Variants in TRPM3 observed in about 807,000 individuals in gnomAD.
TRPM3 encodes long transient receptor potential channel 3.
A neutral mutation model predicts 181.2 loss-of-function variants in TRPM3; 77 were observed. The observed-to-expected ratio is 0.42, with a 90% CI of 0.35 to 0.51. The LOEUF (loss-of-function observed/expected upper bound fraction) is 0.51. Ranked by LOEUF, TRPM3 falls within the 20% of genes least tolerant of loss-of-function variation. TRPM3 has a pLI of 0.01. For synonymous variants in TRPM3, 745 were observed against 796.4 expected, an observed-to-expected ratio of 0.94 and a Z score of 1.09; for missense variants, 1,759 against 2,196.7, an observed-to-expected ratio of 0.80 and a Z score of 3.98.
At chr9:71,268,116 C>G (rs1588205407) in intron 1 of TRPM3, among the ~76,000 whole-genome samples, 2 of 152,298 alleles carry the variant, frequency 1.3e-5, no homozygotes, top group South Asian at 2.1e-4. Context: ...TGTGGTGGCT[C>G]AAGCCTGTAA....
intron 1 of TRPM3, among the ~76,000 whole-genome samples, chr9:71,353,390 G>A (rs750389136): frequency 6.6e-6 from 1 of 152,112 alleles, no homozygotes; most frequent in East Asian, 1.9e-4. Context: ...GAGTAAATGG[G>A]TGAATGCATA....
At chr9:70,835,682 G>A (rs2094272361) in intron 5 of TRPM3, among the ~76,000 whole-genome samples, 1 of 151,990 alleles carries the variant, frequency 6.6e-6, no homozygotes, top group South Asian at 2.1e-4. Context: ...GTGTCTCACT[G>A]TCTCCATATG....
At chr9:71,112,522 A>C (rs2071347432) in intron 1 of TRPM3, among the ~76,000 whole-genome samples, 1 of 152,136 alleles carries the variant, frequency 6.6e-6, no homozygotes, top group Non-Finnish European at 1.5e-5. Flanking sequence ...AATTACCAAG[A>C]CCCTATAATA....
At chr9:70,958,538 T>C (rs2097103152) in intron 1 of TRPM3, among the ~76,000 whole-genome samples, 1 of 152,114 alleles carries the variant, frequency 6.6e-6, no homozygotes, top group African/African-American at 2.4e-5. Context: ...CCAGTGATGA[T>C]GAGCATTTTT....
At chr9:70,622,203 C>T (rs1360438157) in intron 14 of TRPM3, among the ~76,000 whole-genome samples, 2 of 152,186 alleles carry the variant, frequency 1.3e-5, no homozygotes, top group African/African-American at 2.4e-5. Context: ...TCTCACCAGA[C>T]ACTAAATCTG....
At chr9:70,558,170 C>G (rs2048199575) in intron 22 of TRPM3, among the ~76,000 whole-genome samples, 1 of 152,044 alleles carries the variant, frequency 6.6e-6, no homozygotes, top group African/African-American at 2.4e-5. Flanking sequence ...GTAAGGCTAC[C>G]AAGTAGAGAA....
At chr9:70,923,803 ACTCTCTCT>A (rs769200720) in intron 1 of TRPM3, among the ~76,000 whole-genome samples, 36 of 143,488 alleles carry the variant, frequency 2.5e-4, no homozygotes, top group Non-Finnish European at 5.2e-4. Flanking sequence ...ACACACACAC[ACTCTCTCT>A]CTCTCTCTCT....
intron 21 of TRPM3, among the ~76,000 whole-genome samples, chr9:70,592,861 C>T (rs1028988913): frequency 1.3e-5 from 2 of 152,136 alleles, no homozygotes; most frequent in African/African-American, 2.4e-5. Flanking sequence ...TCCTGAGTAG[C>T]TGGGATTTCA....
intron 12 of TRPM3, among the ~76,000 whole-genome samples, chr9:70,631,537 A>C (rs2065865791): frequency 6.6e-6 from 1 of 152,138 alleles, no homozygotes; most frequent in Non-Finnish European, 1.5e-5. Context: ...GAAAGGAAAA[A>C]ACTACTTTAA....
At chr9:70,632,424 G>T (rs186186520) in intron 12 of TRPM3, among the ~76,000 whole-genome samples, 101 of 152,212 alleles carry the variant, frequency 6.6e-4, no homozygotes, top group Non-Finnish European at 1.2e-3. Context: ...GACTACCATT[G>T]TTCATCTTTC....
In TRPM3 at chr9:70,956,198, T is replaced by C. The variant is rs551189696; in HGVS notation, c.178-91687A>G. On this transcript the variant is annotated intron_variant, in intron 1 of 25. Transcript: ENST00000677713. ...CGTAACAGACCACAGGCTATACTTA[T>C]ATGAATAAATGGAGAGCTTGGACAG... Among the ~76,000 whole-genome samples the C allele has an allele frequency of 4.6e-5, 7 of 152,056 alleles. No homozygotes were observed. The South Asian group carries it at 6.2e-4, about 14-fold the overall frequency.
chr9:71,386,987 T>C (rs533515547), intron 1 of TRPM3, among the ~76,000 whole-genome samples: 1 of 152,146 alleles, frequency 6.6e-6, no homozygotes, highest in Non-Finnish European at 1.5e-5. Context: ...TTGGAAATGA[T>C]TTTCTCAGAG....
chr9:71,194,327 A>G (rs556242354), intron 1 of TRPM3, among the ~76,000 whole-genome samples: 1 of 152,118 alleles, frequency 6.6e-6, no homozygotes, highest in Non-Finnish European at 1.5e-5. Flanking sequence ...TATGTGTTTC[A>G]TAAACCCTGT....
At chr9:70,581,387 T>C (rs2055611146) in intron 22 of TRPM3, among the ~76,000 whole-genome samples, 1 of 152,254 alleles carries the variant, frequency 6.6e-6, no homozygotes, top group Non-Finnish European at 1.5e-5. Flanking sequence ...TTGACAGACG[T>C]GGTCTGATAT....
intron 1 of TRPM3, among the ~76,000 whole-genome samples, chr9:71,024,414 AAGG>A (rs2097874470): frequency 6.6e-6 from 1 of 152,138 alleles, no homozygotes; most frequent in Non-Finnish European, 1.5e-5. Context: ...GGGAGATTTG[AAGG>A]AGGTGTTAAC....
intron 1 of TRPM3, among the ~76,000 whole-genome samples, chr9:70,990,681 G>A (rs992809019): frequency 8.5e-5 from 13 of 152,166 alleles, no homozygotes; most frequent in Admixed American, 7.9e-4. Flanking sequence ...GTGTGTGAGT[G>A]CACACACAGG....
chr9:71,181,102 A>T (rs370699213), intron 1 of TRPM3, among the ~76,000 whole-genome samples: 118 of 152,228 alleles, frequency 7.8e-4, no homozygotes, highest in African/African-American at 2.6e-3. Flanking sequence ...AGATAATTTA[A>T]CTAGGCCTTT....
At chr9:70,581,541 G>A (rs954544315) in intron 22 of TRPM3, among the ~76,000 whole-genome samples, 4 of 152,222 alleles carry the variant, frequency 2.6e-5, no homozygotes, top group African/African-American at 9.6e-5. Flanking sequence ...GAGCCTTGCT[G>A]GGATCATCTG....
chr9:71,031,234 A>C (rs943651062), intron 1 of TRPM3, among the ~76,000 whole-genome samples: 3 of 152,216 alleles, frequency 2.0e-5, no homozygotes, highest in Admixed American at 2.0e-4. Flanking sequence ...AATGCCAAAC[A>C]AATTATTAGG....
Sources: allele counts gnomAD v4.1 joint callset (sites outside exome capture counted in the v4.1 genomes callset), GRCh38; gene constraint gnomAD v4.1.1; transcripts MANE v1.5; gene names NCBI Gene and HGNC (gene_info 2026-07-23, HGNC 2026-07-21).